Variants in CALCRL observed in about 807,000 individuals in gnomAD.
CALCRL encodes the protein calcitonin gene-related peptide type 1 receptor.
CALCRL carries 27 observed loss-of-function variants against 60.4 expected under a neutral mutation model. That is an observed-to-expected ratio of 0.45 (90% CI 0.33 to 0.62). The LOEUF (loss-of-function observed/expected upper bound fraction) is 0.62. Ranked by LOEUF, CALCRL falls within the 20% of genes least tolerant of loss-of-function variation. The probability of loss-of-function intolerance (pLI) is 0.03; values close to 1 mark genes in which losing one functional copy is unlikely to be tolerated. For missense variants in CALCRL, 424 were observed against 540.7 expected, an observed-to-expected ratio of 0.78 and a Z score of 2.14; for synonymous variants, 190 against 182.6, an observed-to-expected ratio of 1.04 and a Z score of -0.33.
rs866506 is a variant in CALCRL, at chr2:187,351,782, A to G, written c.1170+138T>C. 33 of 619,860 alleles carry G rather than the reference A, an allele frequency of 5.3e-5. 1 individual carries two copies. The highest frequency in any genetic ancestry group is 8.8e-4 in the Middle Eastern group (2 of 2,272). 38.4% of individuals were successfully genotyped at this position (619,860 alleles called of 1,614,324 possible). A position where few individuals can be genotyped will look rare whatever the true frequency, so the allele number is the denominator to read the frequency against. ...AGTTAAACCTATGGTAAGAGATTCTATGGTTCTTTCCCTGATGGAAACAGA... is the reference window on the plus strand; with the variant it reads ...AGTTAAACCTATGGTAAGAGATTCTGTGGTTCTTTCCCTGATGGAAACAGA... On this transcript the variant is annotated intron_variant, in intron 14 of 14. Transcript: ENST00000392370.
intron 1 of CALCRL, among the ~76,000 whole-genome samples, chr2:187,406,135 C>A (rs1326247438): frequency 3.3e-5 from 5 of 150,916 alleles, no homozygotes; most frequent in Non-Finnish European, 5.9e-5. Flanking sequence ...TGACACCAGA[C>A]CACCAAACCA....
chr2:187,430,905 TTA>T (rs1690375577), intron 1 of CALCRL, among the ~76,000 whole-genome samples: 1 of 152,012 alleles, frequency 6.6e-6, no homozygotes. Flanking sequence ...ATAATTATGG[TTA>T]TATGTTTTAT....
intron 1 of CALCRL, among the ~76,000 whole-genome samples, chr2:187,429,490 C>A (rs779694335): frequency 1.7e-4 from 26 of 152,110 alleles, no homozygotes; most frequent in Non-Finnish European, 3.8e-4. Context: ...TTATATTCCA[C>A]GGCAGTGGTA....
chr2:187,425,874 C>A (rs1393016733), intron 1 of CALCRL, among the ~76,000 whole-genome samples: 8 of 151,958 alleles, frequency 5.3e-5, no homozygotes, highest in Admixed American at 5.3e-4. Context: ...ACTGTTATAT[C>A]ATTTTTAAAA....
chr2:187,405,642 A>T (rs1201029633), intron 1 of CALCRL, among the ~76,000 whole-genome samples: 1 of 152,078 alleles, frequency 6.6e-6, no homozygotes, highest in African/African-American at 2.4e-5. Flanking sequence ...TGTTTCATCA[A>T]TTCCTAGAGG....
chr2:187,366,249 C>CAAAAAAAAAAAAAAAAAAAAAAAA (rs59586461), intron 8 of CALCRL, among the ~76,000 whole-genome samples: 6 of 94,612 alleles, frequency 6.3e-5, no homozygotes, highest in African/African-American at 2.7e-4. Context: ...GACTCCGTCT[C>CAAAAAAAAAAAAAAAAAAAAAAAA]AAAAAAAAAA....
intron 8 of CALCRL, among the ~76,000 whole-genome samples, chr2:187,364,490 A>G (rs1687195175): frequency 6.6e-6 from 1 of 151,946 alleles, no homozygotes; most frequent in Admixed American, 6.6e-5. Context: ...TAAATATGCT[A>G]TTAATATGGT....
chr2:187,381,250 C>T (rs1687973444), intron 5 of CALCRL, among the ~76,000 whole-genome samples: 1 of 152,034 alleles, frequency 6.6e-6, no homozygotes, highest in African/African-American at 2.4e-5. Flanking sequence ...CATTGTAACC[C>T]TGAAAGATAC....
chr2:187,429,429 T>C (rs1465825497), intron 1 of CALCRL, among the ~76,000 whole-genome samples: 6 of 152,310 alleles, frequency 3.9e-5, no homozygotes, highest in African/African-American at 1.4e-4. Flanking sequence ...AGAAAAATCT[T>C]CTCAGTTTAG....
rs1218938915 is a variant in CALCRL at position 187,351,088 on chromosome 2, A to G, written c.1170+832T>C. On this transcript the variant is annotated intron_variant, in intron 14 of 14. Transcript: ENST00000392370. ...ATCACAAGGTCAGGAGATCGAGACC[A>G]TCTTGGCTAACACGGTGAAACCCCG... Among the ~76,000 whole-genome samples, 13 of 4,290 alleles carry G rather than the reference A, an allele frequency of 3.0e-3. 6 individuals are homozygous for G. Among genetic ancestry groups the G allele is most frequent in the Admixed American group, 0.017 (13 of 772 alleles). 2.8% of individuals were successfully genotyped at this position (4,290 alleles called of 152,430 possible).
chr2:187,371,309 A>G (rs1174672883), intron 8 of CALCRL, among the ~76,000 whole-genome samples: 2 of 152,074 alleles, frequency 1.3e-5, no homozygotes, highest in African/African-American at 4.8e-5. Flanking sequence ...AGAATAGGCT[A>G]TATCTCAGGA....
chr2:187,421,582 T>C (rs575589759), intron 1 of CALCRL, among the ~76,000 whole-genome samples: 10 of 152,286 alleles, frequency 6.6e-5, no homozygotes, highest in Non-Finnish European at 1.3e-4. Flanking sequence ...GCTGACACTA[T>C]CTCCTGATGC....
intron 1 of CALCRL, among the ~76,000 whole-genome samples, chr2:187,408,038 T>C (rs1175502655): frequency 6.6e-6 from 1 of 152,084 alleles, no homozygotes; most frequent in African/African-American, 2.4e-5. Flanking sequence ...TTTTATTTAA[T>C]TTGTAAAATA....
At chr2:187,370,185 T>A (rs1455368218) in intron 8 of CALCRL, among the ~76,000 whole-genome samples, 1 of 152,186 alleles carries the variant, frequency 6.6e-6, no homozygotes, top group African/African-American at 2.4e-5. Context: ...ATTAGCAGCA[T>A]AATATCTAGT....
intron 8 of CALCRL, among the ~76,000 whole-genome samples, chr2:187,377,375 G>A (rs1339270001): frequency 6.6e-6 from 1 of 152,008 alleles, no homozygotes; most frequent in African/African-American, 2.4e-5. Flanking sequence ...TGACAGAGAA[G>A]AAAAATGAGA....
intron 8 of CALCRL, among the ~76,000 whole-genome samples, chr2:187,367,963 A>C (rs1687367738): frequency 6.6e-6 from 1 of 152,106 alleles, no homozygotes; most frequent in Non-Finnish European, 1.5e-5. Context: ...ATGTAATGAA[A>C]CCGTGTCTTT....
At chr2:187,426,015 T>TA (rs1553515465) in intron 1 of CALCRL, among the ~76,000 whole-genome samples, 1 of 151,958 alleles carries the variant, frequency 6.6e-6, no homozygotes, top group Non-Finnish European at 1.5e-5. Flanking sequence ...CCCAGTCCAC[T>TA]ACCCACCCTT....
chr2:187,344,729 T>C lies in CALCRL; in HGVS notation c.*1455A>G, dbSNP rs1305753680. 1 of 151,760 alleles carries C rather than the reference T, an allele frequency of 6.6e-6. No individual in the cohort carries two copies. Among genetic ancestry groups the C allele is most frequent in the African/African-American group, 2.4e-5 (1 of 41,412 alleles). 9.4% of individuals were successfully genotyped at this position (151,760 alleles called of 1,614,324 possible). On this transcript the variant is annotated 3_prime_UTR_variant, in exon 15 of 15. Transcript: ENST00000392370. Reference sequence around the variant, plus strand: ...ATATTAAAGCATTGTATATGGTATATATAGTATCCTTCTAGTTTTTTATAT... The same window carrying C: ...ATATTAAAGCATTGTATATGGTATACATAGTATCCTTCTAGTTTTTTATAT...
chr2:187,405,252 A>T (rs1203888398), intron 1 of CALCRL, among the ~76,000 whole-genome samples: 1 of 152,030 alleles, frequency 6.6e-6, no homozygotes, highest in Non-Finnish European at 1.5e-5. Context: ...TATAATTTTG[A>T]GTAAAATTAT....
Sources: allele counts gnomAD v4.1 joint callset (sites outside exome capture counted in the v4.1 genomes callset), GRCh38; gene constraint gnomAD v4.1.1; transcripts MANE v1.5; gene names NCBI Gene and HGNC (gene_info 2026-07-23, HGNC 2026-07-21).